Variants in WDR59 observed in about 807,000 individuals in gnomAD.
The protein encoded by WDR59 is GATOR2 complex protein WDR59.
Under a neutral mutation model 131.2 loss-of-function variants are expected in WDR59, and 100 were observed. The observed-to-expected ratio is 0.76, with a 90% confidence interval of 0.65 to 0.90. The LOEUF is 0.90. Among genes scored for constraint, WDR59 ranks in the 40% least tolerant of loss-of-function variants. The pLI, the probability that WDR59 is intolerant of heterozygous loss-of-function variation, is 0.00. For synonymous variants in WDR59, 601 were observed against 466.2 expected (o/e 1.29, Z -3.72); for missense variants, 1,203 against 1,262.2 (o/e 0.95, Z 0.71).
chr16:74,965,068 A>G (rs576794475), intron 2 of WDR59, among the ~76,000 whole-genome samples: 240 of 152,180 alleles, frequency 1.6e-3, no homozygotes, highest in Admixed American at 2.9e-3. Flanking sequence ...CCGTCTCAAA[A>G]AAAAAAAAAA....
intron 8 of WDR59, among the ~76,000 whole-genome samples, chr16:74,932,660 T>C (rs192332724): frequency 1.3e-4 from 19 of 151,982 alleles, no homozygotes; most frequent in Admixed American, 5.9e-4. Flanking sequence ...AGGTAATTTG[T>C]TTATTTTTTG....
At chr16:74,894,643 T>C (rs924544747) in intron 18 of WDR59, among the ~76,000 whole-genome samples, 1 of 152,140 alleles carries the variant, frequency 6.6e-6, no homozygotes. Context: ...AGGAGTGACA[T>C]ATTTATTAAC....
In WDR59 at chr16:74,985,042, C is replaced by G; in HGVS notation, c.-25G>C. The G allele has an allele frequency of 6.4e-7, 1 of 1,557,274 alleles. No individual in the cohort carries two copies. The highest frequency in any genetic ancestry group is 8.7e-7 in the Non-Finnish European group (1 of 1,149,974). On this transcript the variant is annotated 5_prime_UTR_variant, in exon 1 of 26. Transcript: ENST00000262144. ...TCTCCCCCGCCCGGCCGCCGCGGCC[C>G]CAGGACGGCGCCCTCCCACCCCGCC...
intron 23 of WDR59, 135 bp from the exon 24 acceptor site, chr16:74,886,531 AT>A: frequency 8.3e-7 from 1 of 1,199,116 alleles, no homozygotes; most frequent in Non-Finnish European, 1.1e-6. Flanking sequence ...ATTCTGAGAA[AT>A]ATAACTAAAT....
In WDR59 at chr16:74,922,086, C is replaced by G; in HGVS notation, c.747G>C (p.Leu249Phe). The change falls in exon 10 of 26, where the codon TTG becomes TTC. Residue 249 changes from leucine to phenylalanine, a missense_variant. Coordinates refer to ENST00000262144, the MANE Select transcript of WDR59 (RefSeq NM_030581.4). ...GCAGCTGGGGAACCATCACAGTCAC[C>G]AATCCATTGCTGAAAGGCTAAGGCA... ...KARYTPFSNGLVTVMVPQLRR... is the reference protein window; with the variant it reads ...KARYTPFSNGFVTVMVPQLRR... 1 of 1,614,138 alleles carries G rather than the reference C, an allele frequency of 6.2e-7. No homozygotes were observed. Among genetic ancestry groups the G allele is most frequent in the East Asian group, 2.2e-5 (1 of 44,868 alleles).
chr16:74,964,086 T>C (rs915666038), intron 2 of WDR59, among the ~76,000 whole-genome samples: 1 of 150,672 alleles, frequency 6.6e-6, no homozygotes, highest in Non-Finnish European at 1.5e-5. Flanking sequence ...TGTTGAAAAA[T>C]AGTAAAAATG....
At chr16:74,916,516 A>G (rs1966394729) in intron 11 of WDR59, among the ~76,000 whole-genome samples, 1 of 152,188 alleles carries the variant, frequency 6.6e-6, no homozygotes, top group Non-Finnish European at 1.5e-5. Context: ...AAAAAAATTA[A>G]TTTAAACTCC....
chr16:74,966,980 C>T (rs890343055), intron 1 of WDR59, among the ~76,000 whole-genome samples: 2 of 152,180 alleles, frequency 1.3e-5, no homozygotes, highest in African/African-American at 4.8e-5. Context: ...ACTCTCATGC[C>T]AGTATCATGA....
intron 1 of WDR59, among the ~76,000 whole-genome samples, chr16:74,975,344 G>A (rs554548411): frequency 6.7e-6 from 1 of 148,740 alleles, no homozygotes; most frequent in Admixed American, 6.7e-5. Context: ...CTGGGAGACA[G>A]CAATACTCTG....
chr16:74,904,022 A>C lies in WDR59; in HGVS notation c.1791T>G (p.Leu597=). Residue 597 remains leucine, a synonymous_variant, in exon 18 of 26, where the codon CTT becomes CTG. Coordinates refer to ENST00000262144, the MANE Select transcript of WDR59 (RefSeq NM_030581.4). ...MKIRTEAPGN[L]RLYSGSPTRS... ...GAGTGGGGCTCCCACTGTATAAACG[A>C]AGGTTCCCAGGGGCCTCTGTGCGGA... The C allele has an allele frequency of 6.2e-7, 1 of 1,612,758 alleles. No homozygotes were observed. The highest frequency in any genetic ancestry group is 8.5e-7 in the Non-Finnish European group (1 of 1,179,638).
rs554878823 is a variant in WDR59 at position 74,967,821 on chromosome 16, G to T, written c.55-1999C>A. On this transcript the variant is annotated intron_variant, in intron 1 of 25. Coordinates refer to ENST00000262144, the MANE Select transcript of WDR59 (RefSeq NM_030581.4). The stretch of plus-strand genomic sequence containing the variant: ...TTGCAGTGAGCCGAGACATGCCACT[G>T]CACTCCAGCTTGGGCAATAAAGCGA... Among the ~76,000 whole-genome samples, 23 of 146,748 alleles carry T rather than the reference G, an allele frequency of 1.6e-4. No homozygotes were observed. The South Asian group carries it at 4.9e-3, about 31-fold the overall frequency.
At chr16:74,965,746 G>T (rs2033745687) in intron 2 of WDR59, 27 bp downstream of exon 2, 1 of 1,613,702 alleles carries the variant, frequency 6.2e-7, no homozygotes, top group African/African-American at 1.3e-5. Context: ...AGAAATCATG[G>T]CAGACAAACT....
chr16:74,901,457 G>A (rs1451124952), intron 18 of WDR59, among the ~76,000 whole-genome samples: 1 of 151,946 alleles, frequency 6.6e-6, no homozygotes, highest in Non-Finnish European at 1.5e-5. Flanking sequence ...GCAACATAGC[G>A]GGACCCCAGC....
At chr16:74,953,383 G>C (rs10220982) in intron 3 of WDR59, among the ~76,000 whole-genome samples, 72,329 of 150,870 alleles carry the variant, frequency 0.48, 17,663 homozygotes, top group East Asian at 0.76. Context: ...TGAGGCACGA[G>C]AATTCCTTGA....
rs552919297 is a variant in WDR59, at chr16:74,898,751, C to T, written c.1867-4939G>A. Among the ~76,000 whole-genome samples, 4 of 152,324 alleles carry T rather than the reference C, an allele frequency of 2.6e-5. No individual in the cohort carries two copies. In the South Asian group the frequency reaches 8.3e-4, roughly 32 times the overall value. On this transcript the variant is annotated intron_variant, in intron 18 of 25. Coordinates refer to ENST00000262144, the MANE Select transcript of WDR59 (RefSeq NM_030581.4). ...GAAACCCCATTAGCAATGCATAATC[C>T]GCAGAGCGGGCAGGGAGTCTAAATG...
chr16:74,912,452 G>T, intron 13 of WDR59, 90 bp from the exon 14 acceptor site: 1 of 1,338,750 alleles, frequency 7.5e-7, no homozygotes, highest in Non-Finnish European at 1.0e-6. Flanking sequence ...CCATGTTCCT[G>T]GTAATTGAAT....
chr16:74,955,151 C>T (rs191335291), intron 3 of WDR59, among the ~76,000 whole-genome samples: 87 of 152,300 alleles, frequency 5.7e-4, no homozygotes, highest in Middle Eastern at 3.4e-3. Context: ...TTAGCACTCC[C>T]GAACAAATGC....
chr16:74,981,819 C>G (rs1288318612), intron 1 of WDR59, among the ~76,000 whole-genome samples: 4 of 141,982 alleles, frequency 2.8e-5, no homozygotes, highest in Non-Finnish European at 6.1e-5. Context: ...CTATGGTCGG[C>G]TAATTTTTGT....
chr16:74,908,025 T>C (rs11643389), intron 17 of WDR59, among the ~76,000 whole-genome samples: 75,995 of 152,056 alleles, frequency 0.5, 22,017 homozygotes, highest in Non-Finnish European at 0.64. Flanking sequence ...CTTTTTTTAA[T>C]GCACAGAAAA....
Sources: gnomAD v4.1 joint callset for allele counts (sites outside exome capture counted in the v4.1 genomes callset) on GRCh38, gnomAD v4.1.1 for gene constraint, MANE v1.5 for transcripts, NCBI Gene and HGNC (gene_info 2026-07-23, HGNC 2026-07-21) for gene names.